GUCD1: variants seen among roughly 807,000 people sequenced by gnomAD.
The protein encoded by GUCD1 is protein GUCD1.
In GUCD1, 17 loss-of-function variants were observed where a neutral mutation model predicts 28.3. The observed-to-expected ratio is 0.60, with a 90% confidence interval of 0.41 to 0.90. GUCD1 has a LOEUF of 0.90. Among genes scored for constraint, GUCD1 ranks in the 40% least tolerant of loss-of-function variants. The probability of loss-of-function intolerance (pLI) is 0.00; values close to 1 mark genes in which losing one functional copy is unlikely to be tolerated. For synonymous variants in GUCD1, 129 were observed against 123.3 expected (o/e 1.05, Z -0.30); for missense variants, 279 against 305.5 (o/e 0.91, Z 0.65).
intron 1 of GUCD1, among the ~76,000 whole-genome samples, chr22:24,554,218 A>G (rs2044964567): frequency 6.6e-6 from 1 of 152,196 alleles, no homozygotes. Flanking sequence ...GAGGCTCAGG[A>G]AAGGCAAGTA....
intron 3 of GUCD1, 69 bp from the exon 4 acceptor site, chr22:24,547,074 A>G: frequency 8.2e-7 from 1 of 1,219,810 alleles, no homozygotes; most frequent in Non-Finnish European, 1.2e-6. Context: ...GATGAAGGAA[A>G]TAAAGAGCGT....
In GUCD1 at chr22:24,542,744, G is replaced by T; in HGVS notation, c.*262C>A. 1 of 437,284 alleles carries T rather than the reference G, an allele frequency of 2.3e-6. No homozygotes were observed. Among genetic ancestry groups the T allele is most frequent in the South Asian group, 2.3e-5 (1 of 43,192 alleles). 27.1% of individuals were successfully genotyped at this position (437,284 alleles called of 1,614,324 possible). A position where few individuals can be genotyped will look rare whatever the true frequency, so the allele number is the denominator to read the frequency against. ...TGTCGGGACTGGACTTCCTGTGGGC[G>T]CAGCTGGAGTCAAGGCTTGGGGTCT... On this transcript the variant is annotated 3_prime_UTR_variant, in exon 6 of 6. Coordinates refer to ENST00000435822, the MANE Select transcript of GUCD1 (RefSeq NM_001284254.2).
intron 1 of GUCD1, among the ~76,000 whole-genome samples, chr22:24,550,193 G>A (rs147886955): frequency 9.1e-4 from 139 of 152,348 alleles, no homozygotes; most frequent in African/African-American, 3.3e-3. Context: ...TAAACAGGGG[G>A]ACTTTGGTCT....
intron 3 of GUCD1, chr22:24,547,687 T>C (rs1010257806): frequency 7.5e-5 from 41 of 545,208 alleles, no homozygotes; most frequent in Non-Finnish European, 6.6e-5. Context: ...CAGGACTCAG[T>C]ACTCAGATCC....
chr22:24,551,594 T>C (rs965527096), intron 1 of GUCD1, among the ~76,000 whole-genome samples: 1 of 152,274 alleles, frequency 6.6e-6, no homozygotes, highest in Non-Finnish European at 1.5e-5. Flanking sequence ...TGTCTGAAAC[T>C]CTCTCCCGGC....
intron 1 of GUCD1, 40 bp downstream of exon 1, chr22:24,554,909 G>C (rs766768874): frequency 6.7e-7 from 1 of 1,503,274 alleles, no homozygotes; most frequent in South Asian, 1.1e-5. Context: ...GGTCCCTTTC[G>C]TTCCTAGGGT....
rs541672479 is a variant in GUCD1 at position 24,554,795 on chromosome 22, G to A, written c.43+154C>T. On this transcript the variant is annotated intron_variant, in intron 1 of 5. Transcript: ENST00000435822. ...CCATGCTGACAAGGGTCGCAATCCT[G>A]CGAGTGTCAGGAAACCCCCACTGAC... 3.3e-5 allele frequency among the ~76,000 whole-genome samples: 5 copies of A among 151,986 alleles called. No homozygotes were observed. In the South Asian group the frequency reaches 1.0e-3, roughly 31 times the overall value.
rs756735278 is a variant in GUCD1 at position 24,543,886 on chromosome 22, C to G, written c.584G>C (p.Arg195Pro). Reference sequence around the variant, plus strand: ...GTTGTAGAAGATGCAGCCAGTGGCCCGGTTGTAGCCACGCAGCACGATGAA... The same window carrying G: ...GTTGTAGAAGATGCAGCCAGTGGCCGGGTTGTAGCCACGCAGCACGATGAA... ...GHFIVLRGYN[R>P]ATGCIFYNNP... is the part of the protein sequence containing the mutation. The change falls in exon 5 of 6, where the codon CGG (arginine) becomes CCG (proline). Residue 195 changes from arginine to proline, a missense_variant. Transcript: ENST00000435822. 6.2e-7 allele frequency: 1 copy of G among 1,613,984 alleles called. No homozygotes were observed. The highest frequency in any genetic ancestry group is 2.2e-5 in the East Asian group (1 of 44,854).
chr22:24,549,064 G>A, intron 1 of GUCD1, 63 bp from the exon 2 acceptor site: 1 of 1,192,794 alleles, frequency 8.4e-7, no homozygotes, highest in Non-Finnish European at 1.2e-6. Flanking sequence ...CCACCCTCAT[G>A]GGAGCCAGTG....
At position 24,543,977 on chromosome 22, in the gene GUCD1, TGACAG is replaced by T. The variant is rs759165009; in HGVS notation, c.488_492del (p.Pro163GlnfsTer18). 5 of 1,613,782 alleles carry T rather than the reference TGACAG, an allele frequency of 3.1e-6. No homozygotes were observed. In the African/African-American group the frequency reaches 6.7e-5, roughly 22 times the overall value. On this transcript the variant is annotated frameshift_variant, in exon 5 of 6. Coordinates refer to ENST00000435822, the MANE Select transcript of GUCD1 (RefSeq NM_001284254.2). LOFTEE classifies it high-confidence loss of function. ...CCACTGGGGGTGAAGCAGCAGTACT[TGACAG>T]GGCTGGAGCACAGGTCACAGTGCAG...
intron 1 of GUCD1, among the ~76,000 whole-genome samples, chr22:24,553,173 T>A (rs1389796553): frequency 1.3e-5 from 2 of 152,218 alleles, no homozygotes; most frequent in Non-Finnish European, 2.9e-5. Flanking sequence ...TTTTCTCTAC[T>A]CATACTGTTT....
At chr22:24,551,096 A>G (rs1274190321) in intron 1 of GUCD1, among the ~76,000 whole-genome samples, 1 of 152,160 alleles carries the variant, frequency 6.6e-6, no homozygotes, top group East Asian at 1.9e-4. Flanking sequence ...TGTGAAATGG[A>G]CTACCAGACG....
chr22:24,544,276 T>G (rs1292093456), intron 4 of GUCD1, among the ~76,000 whole-genome samples, 193 bp from the exon 5 acceptor site: 2 of 149,384 alleles, frequency 1.3e-5, no homozygotes, highest in East Asian at 2.0e-4. Flanking sequence ...GTGGGGGGGG[T>G]GTGTGTGTGT....
Position 24,543,853 on chromosome 22 carries a change from G to A in GUCD1, c.617C>T (p.Ala206Val). ...ATGCIFYNNP[A>V]YADRMCSTSI... The stretch of plus-strand genomic sequence containing the variant: ...CACCCAGCACTCACGGTCGGCATAG[G>A]CTGGGTTGTTGTAGAAGATGCAGCC... Residue 206 changes from alanine (A) to valine (V), a missense_variant, in exon 5 of 6, where the codon GCC becomes GTC. Ala to Val is a moderately conservative substitution (Grantham distance 64). Transcript: ENST00000435822. 6.2e-7 allele frequency: 1 copy of A among 1,614,036 alleles called. No homozygotes were observed. The highest frequency in any genetic ancestry group is 8.5e-7 in the Non-Finnish European group (1 of 1,179,958).
Position 24,542,468 on chromosome 22 carries a change from G to A in GUCD1, c.*538C>T, listed in dbSNP as rs2147064003. 2.0e-5 allele frequency: 3 copies of A among 153,802 alleles called. No individual in the cohort carries two copies. The highest frequency in any genetic ancestry group is 6.7e-3 in the Middle Eastern group (2 of 298). The allele number at this position is 153,802 out of a possible 1,614,324, so 9.5% of individuals were successfully genotyped here. A position where few individuals can be genotyped will look rare whatever the true frequency, so the allele number is the denominator to read the frequency against. Reference sequence around the variant, plus strand: ...GCCCTGTAATGAGCCACAGAAACTTGGGCCCATGGGTAGGCAGGTGGTGGT... The same window carrying A: ...GCCCTGTAATGAGCCACAGAAACTTAGGCCCATGGGTAGGCAGGTGGTGGT... On this transcript the variant is annotated 3_prime_UTR_variant, in exon 6 of 6. Transcript: ENST00000435822.
intron 4 of GUCD1, among the ~76,000 whole-genome samples, 159 bp from the exon 5 acceptor site, chr22:24,544,242 A>G (rs2044668921): frequency 6.6e-6 from 1 of 151,866 alleles, no homozygotes; most frequent in Admixed American, 6.6e-5. Flanking sequence ...GCCCAGGCTC[A>G]GCCTAGAGCC....
rs935874914 is a variant in GUCD1 at position 24,542,929 on chromosome 22, T to G, written c.*77A>C. The G allele has an allele frequency of 8.7e-6, 9 of 1,040,060 alleles. No homozygotes were observed. Among genetic ancestry groups the G allele is most frequent in the Non-Finnish European group, 1.2e-5 (8 of 660,442 alleles). 64.4% of individuals were successfully genotyped at this position (1,040,060 alleles called of 1,614,324 possible). A position where few individuals can be genotyped will look rare whatever the true frequency, so the allele number is the denominator to read the frequency against. On this transcript the variant is annotated 3_prime_UTR_variant, in exon 6 of 6. Transcript: ENST00000435822. ...ATTCCAACCCCAGCAGCCCCAAGCC[T>G]GGGCCAGGGCATCCTGAGCGGGCCC...
At chr22:24,550,365 G>A (rs933075159) in intron 1 of GUCD1, among the ~76,000 whole-genome samples, 4 of 152,202 alleles carry the variant, frequency 2.6e-5, no homozygotes, top group Admixed American at 2.6e-4. Flanking sequence ...AAACAGTGGG[G>A]GTGTGCCTTA....
intron 1 of GUCD1, among the ~76,000 whole-genome samples, chr22:24,551,235 T>C (rs1011093236): frequency 6.6e-6 from 1 of 152,100 alleles, no homozygotes. Context: ...GAGGCCTCAT[T>C]CTCTTCCTTC....
Sources: allele counts gnomAD v4.1 joint callset (sites outside exome capture counted in the v4.1 genomes callset), GRCh38; gene constraint gnomAD v4.1.1; transcripts MANE v1.5; gene names NCBI Gene and HGNC (gene_info 2026-07-23, HGNC 2026-07-21).